The following SEPTIN9 variants were observed in gnomAD, a reference collection of about 807,000 sequenced individuals.
SEPTIN9 encodes septin 9.
A neutral mutation model predicts 56.6 loss-of-function variants in SEPTIN9; 13 were observed. The ratio of observed to expected loss-of-function variants is 0.23; its 90% CI spans 0.15 to 0.37. SEPTIN9 has a LOEUF of 0.37. Ranked by LOEUF, SEPTIN9 falls within the 10% of genes least tolerant of loss-of-function variation. SEPTIN9 has a pLI of 1.00. For missense variants in SEPTIN9, 650 were observed against 823.1 expected, an observed-to-expected ratio of 0.79 and a Z score of 2.57; for synonymous variants, 332 against 334.1, an observed-to-expected ratio of 0.99 and a Z score of 0.07.
intron 2 of SEPTIN9, among the ~76,000 whole-genome samples, chr17:77,331,607 G>A (rs751405771): frequency 1.3e-5 from 2 of 152,182 alleles, no homozygotes; most frequent in African/African-American, 4.8e-5. Flanking sequence ...GCAAGCTCTC[G>A]AGAGTCCAGC....
Position 77,294,103 on chromosome 17 carries a change from CAA to C in SEPTIN9, c.19+12564_19+12565del, listed in dbSNP as rs376507344. Among the ~76,000 whole-genome samples, 667 of 115,776 alleles carry C rather than the reference CAA, an allele frequency of 5.8e-3. 3 individuals are homozygous for C. The highest frequency in any genetic ancestry group is 0.023 in the Middle Eastern group (5 of 216). The allele number at this position is 115,776 out of a possible 152,430, so 76.0% of individuals were successfully genotyped here. A position where few individuals can be genotyped will look rare whatever the true frequency, so the allele number is the denominator to read the frequency against. ...TGGGTGAGAGAGTGAGACCATGTCTCAAAAAAAAAAAAAAAACAACAAAAAAA... is the reference window on the plus strand; with the variant it reads ...TGGGTGAGAGAGTGAGACCATGTCTCAAAAAAAAAAAAAACAACAAAAAAA... On this transcript the variant is annotated intron_variant, in intron 1 of 11. Transcript: ENST00000427177.
intron 1 of SEPTIN9, among the ~76,000 whole-genome samples, chr17:77,290,793 C>T (rs868801627): frequency 6.1e-5 from 9 of 147,620 alleles, no homozygotes; most frequent in Non-Finnish European, 1.0e-4. Flanking sequence ...CCAGCCTGGG[C>T]GACAGAGTGA....
rs1188639669 is a variant in SEPTIN9 at position 77,466,102 on chromosome 17, ACACACG to A, written c.722-16041_722-16036del. Among the ~76,000 whole-genome samples the A allele has an allele frequency of 1.3e-4, 17 of 133,902 alleles. No individual in the cohort carries two copies. In the South Asian group the frequency reaches 2.6e-3, roughly 20 times the overall value. 87.8% of individuals were successfully genotyped at this position (133,902 alleles called of 152,430 possible). A position where few individuals can be genotyped will look rare whatever the true frequency, so the allele number is the denominator to read the frequency against. Reference sequence around the variant, plus strand: ...CACACACACACACACACACACACACACACACGAGTAAACTGTAACACAAATGTGTGC... The same window carrying A: ...CACACACACACACACACACACACACAAGTAAACTGTAACACAAATGTGTGC... On this transcript the variant is annotated intron_variant, in intron 3 of 11. Coordinates refer to ENST00000427177, the MANE Select transcript of SEPTIN9 (RefSeq NM_001113491.2).
rs1238280201 is a variant in SEPTIN9, at chr17:77,476,336, T to A, written c.722-5808T>A. Among the ~76,000 whole-genome samples, 1 of 152,194 alleles carries A rather than the reference T, an allele frequency of 6.6e-6. No individual in the cohort carries two copies. The highest frequency in any genetic ancestry group is 2.4e-5 in the African/African-American group (1 of 41,446). On this transcript the variant is annotated intron_variant, in intron 3 of 11. Coordinates refer to ENST00000427177, the MANE Select transcript of SEPTIN9 (RefSeq NM_001113491.2). This position sits in a 1 kb window ranked among gnomAD's most constrained non-coding sequence, Gnocchi z 6.0. ...CCTAAAGTGTGTCATGTCCAATAGC[T>A]GCCTCCTCTCTGGGCACTGCCTCCC...
intron 3 of SEPTIN9, among the ~76,000 whole-genome samples, chr17:77,474,750 C>G (rs2039139663): frequency 6.6e-6 from 1 of 152,226 alleles, no homozygotes; most frequent in Non-Finnish European, 1.5e-5. Context: ...TTGCGACCCT[C>G]ATAATTGACA....
intron 3 of SEPTIN9, among the ~76,000 whole-genome samples, chr17:77,480,000 G>T (rs912377972): frequency 2.6e-5 from 4 of 152,192 alleles, no homozygotes; most frequent in African/African-American, 9.7e-5. Flanking sequence ...GGAAGCCCAG[G>T]GGAGAGTATT....
chr17:77,497,031 G>T, intron 10 of SEPTIN9: 1 of 525,706 alleles, frequency 1.9e-6, no homozygotes. Flanking sequence ...ATTTGGCCTG[G>T]TCACTGTGCC....
At chr17:77,341,727 A>G (rs1017780140) in intron 2 of SEPTIN9, among the ~76,000 whole-genome samples, 1 of 143,892 alleles carries the variant, frequency 6.9e-6, no homozygotes, top group African/African-American at 2.6e-5. Context: ...GTGAGCCGAG[A>G]TCACACCACT....
chr17:77,346,245 A>G (rs1158684566), intron 2 of SEPTIN9, among the ~76,000 whole-genome samples: 5 of 88,238 alleles, frequency 5.7e-5, no homozygotes, highest in Non-Finnish European at 1.1e-4. Context: ...CACCTGGCCC[A>G]TTTTTCCAGA....
Position 77,497,375 on chromosome 17 carries a change from C to G in SEPTIN9, c.1625+9C>G, listed in dbSNP as rs368233110. On this transcript the variant is annotated intron_variant, in intron 11 of 11. Coordinates refer to ENST00000427177, the MANE Select transcript of SEPTIN9 (RefSeq NM_001113491.2). ...CGGGACCTTCTCATCAGGTGAGAGACAGGGTGCTTGGGTGGGGCTGACGGC... is the reference window on the plus strand; with the variant it reads ...CGGGACCTTCTCATCAGGTGAGAGAGAGGGTGCTTGGGTGGGGCTGACGGC... 4.1e-4 allele frequency: 661 copies of G among 1,613,388 alleles called. 9 individuals are homozygous for G. In the South Asian group the frequency reaches 6.9e-3, roughly 17 times the overall value.
chr17:77,498,823 G>A lies in SEPTIN9; in HGVS notation c.*165G>A. The A allele has an allele frequency of 1.6e-6, 1 of 638,626 alleles. No homozygotes were observed. The highest frequency in any genetic ancestry group is 2.1e-5 in the Admixed American group (1 of 46,864). 39.6% of individuals were successfully genotyped at this position (638,626 alleles called of 1,614,324 possible). On this transcript the variant is annotated 3_prime_UTR_variant, in exon 12 of 12. Transcript: ENST00000427177. ...CAAGGGAAGGGGCCTCCCTCCGAGT[G>A]AGTCAGTGATGAGGCCGCGGCCTCC...
Position 77,466,456 on chromosome 17 carries a change from C to T in SEPTIN9, c.722-15688C>T, listed in dbSNP as rs564699160. 2.7e-5 allele frequency: 27 copies of T among 985,550 alleles called. 1 individual carries two copies. The African/African-American group carries it at 4.7e-4, about 17-fold the overall frequency. The allele number at this position is 985,550 out of a possible 1,614,324, so 61.1% of individuals were successfully genotyped here. A position where few individuals can be genotyped will look rare whatever the true frequency, so the allele number is the denominator to read the frequency against. On this transcript the variant is annotated intron_variant, in intron 3 of 11. Coordinates refer to ENST00000427177, the MANE Select transcript of SEPTIN9 (RefSeq NM_001113491.2). ...CACCCCAGGAGCTTCCAGGTTCCGG[C>T]TGCTGCCTGTGTTAGCTGCGTGAGC...
At chr17:77,290,960 G>C (rs766642271) in intron 1 of SEPTIN9, among the ~76,000 whole-genome samples, 2 of 149,386 alleles carry the variant, frequency 1.3e-5, no homozygotes, top group Non-Finnish European at 3.0e-5. Flanking sequence ...CGACCTCCCA[G>C]TTTCAATTGG....
chr17:77,466,752 C>T (rs2038752857), intron 3 of SEPTIN9, among the ~76,000 whole-genome samples: 1 of 152,186 alleles, frequency 6.6e-6, no homozygotes, highest in Admixed American at 6.5e-5. Context: ...TATTACTTTG[C>T]TCTGATTTCA....
At chr17:77,482,719 C>G (rs1195056354) in intron 4 of SEPTIN9, 5 of 589,210 alleles carry the variant, frequency 8.5e-6, no homozygotes, top group Non-Finnish European at 1.5e-5. Context: ...CCGCACCCCA[C>G]CGCACCCCGG....
chr17:77,354,791 G>A (rs759452448), intron 2 of SEPTIN9, among the ~76,000 whole-genome samples: 6 of 152,070 alleles, frequency 3.9e-5, no homozygotes, highest in Admixed American at 2.6e-4. Context: ...CGGTGCAATC[G>A]TGACGCCTGC....
intron 1 of SEPTIN9, among the ~76,000 whole-genome samples, chr17:77,300,127 T>C (rs2031972854): frequency 6.6e-6 from 1 of 152,150 alleles, no homozygotes; most frequent in African/African-American, 2.4e-5. Context: ...GACAGAGTCT[T>C]GGTCTTTTCA....
At chr17:77,376,407 A>G in intron 2 of SEPTIN9, 2 of 985,396 alleles carry the variant, frequency 2.0e-6, no homozygotes, top group Non-Finnish European at 2.4e-6. Flanking sequence ...AGGTAGGCCG[A>G]AAGGGTGGGG....
intron 3 of SEPTIN9, among the ~76,000 whole-genome samples, chr17:77,420,120 C>T (rs1349270243): frequency 6.6e-6 from 1 of 152,126 alleles, no homozygotes; most frequent in Non-Finnish European, 1.5e-5. Flanking sequence ...TAGGGGAGCC[C>T]TGGCCAGTCC....
Sources: allele counts gnomAD v4.1 joint callset (sites outside exome capture counted in the v4.1 genomes callset), GRCh38; gene constraint gnomAD v4.1.1; non-coding constraint Gnocchi (gnomAD v3.1); transcripts MANE v1.5; gene names NCBI Gene and HGNC (gene_info 2026-07-23, HGNC 2026-07-21).